The following SPATA9 variants were observed in gnomAD, a reference collection of about 807,000 sequenced individuals.
SPATA9 encodes the protein spermatogenesis-associated protein 9.
SPATA9 carries 27 observed loss-of-function variants against 25.5 expected under a neutral mutation model. The observed-to-expected ratio is 1.06, with a 90% CI of 0.78 to 1.46. The LOEUF (loss-of-function observed/expected upper bound fraction) is 1.46. Ranked by LOEUF, SPATA9 falls within the 40% of genes most tolerant of loss-of-function variation. The pLI is 0.00. For synonymous variants in SPATA9, 102 were observed against 105.7 expected, an observed-to-expected ratio of 0.97 and a Z score of 0.21; for missense variants, 282 against 297.5, an observed-to-expected ratio of 0.95 and a Z score of 0.38.
the SPATA9 span, among the ~76,000 whole-genome samples, chr5:95,722,735 G>T: frequency 1.3e-5 from 2 of 152,078 alleles, no homozygotes; most frequent in Admixed American, 1.3e-4. Flanking sequence ...CTCCCACCTC[G>T]GCTTCCCAAA....
chr5:95,728,034 G>A, the SPATA9 span, among the ~76,000 whole-genome samples: 3 of 152,238 alleles, frequency 2.0e-5, no homozygotes, highest in Non-Finnish European at 4.4e-5. Flanking sequence ...AGAATGGAGA[G>A]ACACACTTCT....
intron 4 of SPATA9, 73 bp downstream of exon 4, chr5:95,663,880 A>G: frequency 1.3e-6 from 1 of 751,954 alleles, no homozygotes; most frequent in East Asian, 2.9e-5. Context: ...ACAGTATACT[A>G]TTGCACAGTA....
intron 1 of SPATA9, among the ~76,000 whole-genome samples, chr5:95,696,197 C>T (rs1418258597): frequency 3.9e-5 from 6 of 152,126 alleles, no homozygotes; most frequent in Admixed American, 2.0e-4. Context: ...GACTCCTGAC[C>T]CACAGAAACA....
the SPATA9 span, among the ~76,000 whole-genome samples, chr5:95,709,923 T>A: frequency 6.6e-6 from 1 of 152,214 alleles, no homozygotes; most frequent in Non-Finnish European, 1.5e-5. Context: ...TTCTTTGTTT[T>A]TGATAGCCTT....
chr5:95,684,850 TATAAA>T, upstream of SPATA9: 3 of 152,330 alleles, frequency 2.0e-5, no homozygotes, highest in Middle Eastern at 6.8e-3. Flanking sequence ...ACCCCATAAT[TATAAA>T]ATAAACTAGG....
At chr5:95,715,101 A>G in the SPATA9 span, among the ~76,000 whole-genome samples, 26 of 152,114 alleles carry the variant, frequency 1.7e-4, no homozygotes, top group East Asian at 3.9e-4. Context: ...CAAGGCGGGC[A>G]GTTCACGAGG....
chr5:95,724,049 C>T, the SPATA9 span, among the ~76,000 whole-genome samples: 61 of 152,280 alleles, frequency 4.0e-4, no homozygotes, highest in Middle Eastern at 3.4e-3. Flanking sequence ...ACGATACATA[C>T]ATTATGAAAT....
At position 95,658,721 on chromosome 5, in the gene SPATA9, A is replaced by G. The variant is rs1750956446; in HGVS notation, c.667T>C (p.Ser223Pro). 1 of 1,613,866 alleles carries G rather than the reference A, an allele frequency of 6.2e-7. No homozygotes were observed. Among genetic ancestry groups the G allele is most frequent in the East Asian group, 2.2e-5 (1 of 44,860 alleles). ...TTAGCAAGAAGCTTGGGGTAATCTG[A>G]AATGTCTGGCTTCTCCGGCAATGAC... ...YRSLPEKPDISDYPKLLANKQ... is the reference protein window; with the variant it reads ...YRSLPEKPDIPDYPKLLANKQ... Residue 223 changes from serine (S) to proline (P), a missense_variant, in exon 5 of 5, where the codon TCA (serine) becomes CCA (proline). Ser to Pro is a moderately conservative substitution (Grantham distance 74, BLOSUM62 -1). Coordinates refer to ENST00000274432, the MANE Select transcript of SPATA9 (RefSeq NM_031952.4).
the SPATA9 span, chr5:95,717,548 T>C: frequency 3.9e-5 from 6 of 152,362 alleles, no homozygotes; most frequent in African/African-American, 9.6e-5. Flanking sequence ...ACTCAGCTAA[T>C]ACAGTTGGTG....
At chr5:95,710,117 C>G in the SPATA9 span, among the ~76,000 whole-genome samples, 1 of 152,148 alleles carries the variant, frequency 6.6e-6, no homozygotes, top group Non-Finnish European at 1.5e-5. Context: ...CCTGAGCCCA[C>G]GGCACATCTG....
downstream of SPATA9, chr5:95,656,429 A>G (rs1750766838): frequency 1.4e-6 from 1 of 733,798 alleles, no homozygotes. Context: ...TAAAATTCAC[A>G]TACATTTGAG....
At chr5:95,707,442 G>A in the SPATA9 span, among the ~76,000 whole-genome samples, 19 of 152,046 alleles carry the variant, frequency 1.2e-4, no homozygotes, top group South Asian at 6.3e-4. Context: ...TCTCGGCCCC[G>A]AGGAAGGGGC....
At chr5:95,726,153 C>T in the SPATA9 span, among the ~76,000 whole-genome samples, 6 of 152,182 alleles carry the variant, frequency 3.9e-5, no homozygotes, top group Non-Finnish European at 4.4e-5. Flanking sequence ...TGTTCAAATA[C>T]TTATGACTGG....
intron 3 of SPATA9, chr5:95,674,642 C>A: frequency 2.9e-6 from 1 of 344,314 alleles, no homozygotes; most frequent in Non-Finnish European, 5.8e-6. Flanking sequence ...AACCAAGACA[C>A]TGAGCAAAAG....
At chr5:95,730,914 A>C in the SPATA9 span, 8 of 457,744 alleles carry the variant, frequency 1.7e-5, no homozygotes. Flanking sequence ...ACTTTCGGTC[A>C]AGGCCAAGAG....
the SPATA9 span, among the ~76,000 whole-genome samples, chr5:95,706,459 A>G: frequency 3.3e-5 from 5 of 151,756 alleles, no homozygotes; most frequent in African/African-American, 9.7e-5. Context: ...ACCTTCTGCC[A>G]TGATTAGAAA....
At chr5:95,731,943 G>A in the SPATA9 span, 3 of 1,614,118 alleles carry the variant, frequency 1.9e-6, no homozygotes, top group East Asian at 6.7e-5. Context: ...GCACTTACCT[G>A]GGGAGAAGCC....
chr5:95,674,423 C>T (rs1561406549), intron 3 of SPATA9, among the ~76,000 whole-genome samples: 1 of 152,196 alleles, frequency 6.6e-6, no homozygotes, highest in Non-Finnish European at 1.5e-5. Flanking sequence ...CAGTGCATCT[C>T]ATGTCCTTGG....
intron 3 of SPATA9, among the ~76,000 whole-genome samples, chr5:95,665,096 C>T (rs928691059): frequency 2.6e-5 from 4 of 151,938 alleles, no homozygotes; most frequent in African/African-American, 9.7e-5. Flanking sequence ...TGTAATGGTA[C>T]ATATTTAAGG....
Sources: gnomAD v4.1 joint callset for allele counts (sites outside exome capture counted in the v4.1 genomes callset) on GRCh38, gnomAD v4.1.1 for gene constraint, MANE v1.5 for transcripts, NCBI Gene and HGNC (gene_info 2026-07-23, HGNC 2026-07-21) for gene names.